The following DLG2 variants were observed in gnomAD, a reference collection of about 807,000 sequenced individuals.
DLG2 encodes discs large MAGUK scaffold protein 2, also known as disks large homolog 2.
Under a neutral mutation model 132.5 loss-of-function variants are expected in DLG2, and 45 were observed. That is an observed-to-expected ratio of 0.34 (90% confidence interval 0.27 to 0.44). DLG2 has a LOEUF of 0.44. Ranked by LOEUF, DLG2 falls within the 20% of genes least tolerant of loss-of-function variation. The pLI is 1.00. For missense variants in DLG2, 1,045 were observed against 1,196.9 expected (o/e 0.87, Z 1.87); for synonymous variants, 424 against 419.6 (o/e 1.01, Z -0.13).
chr11:84,154,272 AC>A (rs1263776243), intron 9 of DLG2, among the ~76,000 whole-genome samples: 1 of 152,254 alleles, frequency 6.6e-6, no homozygotes, highest in Non-Finnish European at 1.5e-5. Flanking sequence ...TGCTGGGATT[AC>A]AGGCGTGAGC....
intron 6 of DLG2, among the ~76,000 whole-genome samples, chr11:85,065,170 A>T (rs1030267459): frequency 2.6e-5 from 4 of 151,426 alleles, no homozygotes; most frequent in African/African-American, 9.7e-5. Flanking sequence ...TATGTCCTCT[A>T]CTGTGTATCT....
At chr11:83,705,687 T>C (rs990205967) in intron 18 of DLG2, among the ~76,000 whole-genome samples, 3 of 152,152 alleles carry the variant, frequency 2.0e-5, no homozygotes, top group Admixed American at 2.0e-4. Context: ...TTAAATAAAG[T>C]AGAAACGTTT....
chr11:85,239,735 T>C (rs2075783411), intron 4 of DLG2, among the ~76,000 whole-genome samples: 1 of 151,982 alleles, frequency 6.6e-6, no homozygotes, highest in Admixed American at 6.6e-5. Flanking sequence ...TTTGTAGCTG[T>C]AGTTTCACCA....
At chr11:85,146,611 A>G (rs527860437) in intron 5 of DLG2, among the ~76,000 whole-genome samples, 37 of 152,210 alleles carry the variant, frequency 2.4e-4, no homozygotes, top group Non-Finnish European at 4.7e-4. Flanking sequence ...CCCAGGTTGC[A>G]AGATGAAGTC....
At chr11:84,618,810 C>T (rs184170129) in intron 6 of DLG2, among the ~76,000 whole-genome samples, 293 of 152,062 alleles carry the variant, frequency 1.9e-3, no homozygotes, top group African/African-American at 6.7e-3. Context: ...GTAGAAACAA[C>T]AGATGTAGAC....
At chr11:83,821,450 T>C (rs2050767438) in intron 17 of DLG2, among the ~76,000 whole-genome samples, 1 of 152,204 alleles carries the variant, frequency 6.6e-6, no homozygotes, top group Admixed American at 6.5e-5. Context: ...TTAAATAATG[T>C]CAGCGTGAGA....
At chr11:83,926,375 A>G (rs781208624) in intron 15 of DLG2, among the ~76,000 whole-genome samples, 9 of 152,178 alleles carry the variant, frequency 5.9e-5, no homozygotes, top group Non-Finnish European at 8.8e-5. Context: ...CATAACTGCT[A>G]TATCAATATG....
rs942149137 is a variant in DLG2 at position 85,233,964 on chromosome 11, T to C, written c.186+51256A>G. ...ATTTTAAAGTGCAGAGAGGTTACAATTATTAATGAGAAGATGAAATAGGAT... is the reference window on the plus strand; with the variant it reads ...ATTTTAAAGTGCAGAGAGGTTACAACTATTAATGAGAAGATGAAATAGGAT... On this transcript the variant is annotated intron_variant, in intron 4 of 27. Coordinates refer to ENST00000376104, the MANE Select transcript of DLG2 (RefSeq NM_001142699.3). Among the ~76,000 whole-genome samples, 6 of 151,868 alleles carry C rather than the reference T, an allele frequency of 4.0e-5. No individual in the cohort carries two copies. In the East Asian group the frequency reaches 7.7e-4, roughly 20 times the overall value.
intron 21 of DLG2, among the ~76,000 whole-genome samples, chr11:83,516,350 C>T (rs2095292877): frequency 1.3e-5 from 2 of 152,116 alleles, no homozygotes; most frequent in Non-Finnish European, 2.9e-5. Context: ...ATTGAAACCC[C>T]TAGTTTTTTT....
intron 11 of DLG2, among the ~76,000 whole-genome samples, chr11:83,992,468 T>C (rs1026616949): frequency 6.6e-6 from 1 of 151,796 alleles, no homozygotes; most frequent in Non-Finnish European, 1.5e-5. Context: ...ACCAAGAAAA[T>C]AAGGGAGTGG....
chr11:84,259,030 G>A (rs1300659591), intron 7 of DLG2, among the ~76,000 whole-genome samples: 1 of 152,110 alleles, frequency 6.6e-6, no homozygotes. Flanking sequence ...CCAGTGCTTC[G>A]GGATGCCAAG....
chr11:84,972,054 GA>G (rs757517488), intron 6 of DLG2, among the ~76,000 whole-genome samples: 20 of 152,086 alleles, frequency 1.3e-4, no homozygotes, highest in Admixed American at 6.5e-4. Flanking sequence ...TTATGACTCA[GA>G]GGGGGGGAAA....
At chr11:83,872,172 A>G (rs1425538272) in intron 16 of DLG2, among the ~76,000 whole-genome samples, 3 of 152,230 alleles carry the variant, frequency 2.0e-5, no homozygotes, top group African/African-American at 7.2e-5. Flanking sequence ...CTGAGGCCGG[A>G]GAATCGCCTG....
chr11:84,939,601 C>T (rs1297634356), intron 6 of DLG2, among the ~76,000 whole-genome samples: 1 of 152,154 alleles, frequency 6.6e-6, no homozygotes, highest in Non-Finnish European at 1.5e-5. Flanking sequence ...CCACTGGTAA[C>T]CATCCTTGTA....
At position 84,445,732 on chromosome 11, in the gene DLG2, T is replaced by C. The variant is rs890181964; in HGVS notation, c.519+88838A>G. On this transcript the variant is annotated intron_variant, in intron 7 of 27. Transcript: ENST00000376104. ...GAGATCGAGACCATCCTGGCTAACA[T>C]GGTGAAACCCCGTCTCTACTAAAAA... Among the ~76,000 whole-genome samples, 32 of 151,860 alleles carry C rather than the reference T, an allele frequency of 2.1e-4. 1 individual carries two copies. The East Asian group carries it at 4.7e-3, about 22-fold the overall frequency.
chr11:83,691,439 C>T (rs2080975766), intron 18 of DLG2, among the ~76,000 whole-genome samples: 1 of 152,166 alleles, frequency 6.6e-6, no homozygotes. Flanking sequence ...TTTTCATTCT[C>T]CCTCTTCGAG....
intron 4 of DLG2, among the ~76,000 whole-genome samples, chr11:85,230,008 T>C (rs2075208604): frequency 6.6e-6 from 1 of 152,014 alleles, no homozygotes; most frequent in South Asian, 2.1e-4. Context: ...AGGGATAGCA[T>C]TAGGAGAAAT....
intron 6 of DLG2, among the ~76,000 whole-genome samples, chr11:84,857,679 T>G (rs2082972112): frequency 6.6e-6 from 1 of 152,106 alleles, no homozygotes; most frequent in South Asian, 2.1e-4. Context: ...CCCACTTTGC[T>G]ATGTCTCCCC....
chr11:83,876,145 T>C (rs2064743447), intron 15 of DLG2, among the ~76,000 whole-genome samples: 1 of 152,316 alleles, frequency 6.6e-6, no homozygotes, highest in South Asian at 2.1e-4. Flanking sequence ...GTATGTCAGC[T>C]TCTCATCTTA....
Sources: allele counts gnomAD v4.1 joint callset (sites outside exome capture counted in the v4.1 genomes callset), GRCh38; gene constraint gnomAD v4.1.1; transcripts MANE v1.5; gene names NCBI Gene and HGNC (gene_info 2026-07-23, HGNC 2026-07-21).